Variants in RNF180 observed in about 807,000 individuals in gnomAD.
RNF180 encodes the protein E3 ubiquitin-protein ligase RNF180.
Under a neutral mutation model 59.2 loss-of-function variants are expected in RNF180, and 38 were observed. That is an observed-to-expected ratio of 0.64 (90% CI 0.50 to 0.84). The LOEUF is 0.84. RNF180 is among the 40% of genes least tolerant of loss of function. RNF180 has a pLI of 0.00. For synonymous variants in RNF180, 262 were observed against 240.3 expected, an observed-to-expected ratio of 1.09 and a Z score of -0.84; for missense variants, 705 against 700.9, an observed-to-expected ratio of 1.01 and a Z score of -0.07.
chr5:64,258,563 ATTCC>A (rs972159254), intron 5 of RNF180, among the ~76,000 whole-genome samples: 4 of 152,124 alleles, frequency 2.6e-5, no homozygotes, highest in Admixed American at 2.6e-4. Context: ...TGGGGGTGCT[ATTCC>A]CTTGGATTGT....
chr5:64,276,360 A>G lies in RNF180; in HGVS notation c.1228-48826A>G, dbSNP rs199920420. On this transcript the variant is annotated intron_variant, in intron 5 of 7. Transcript: ENST00000389100. ...TGTGTGTGTGTGTGTGTGTGTGTGT[A>G]CAAAAACCACATTGGTGTGTGTGTG... Among the ~76,000 whole-genome samples the G allele has an allele frequency of 1.9e-4, 17 of 88,968 alleles. No individual in the cohort carries two copies. The East Asian group carries it at 4.5e-3, about 24-fold the overall frequency. The allele number at this position is 88,968 out of a possible 152,430, so 58.4% of individuals were successfully genotyped here.
chr5:64,317,813 T>C (rs1744140950), intron 5 of RNF180, among the ~76,000 whole-genome samples: 1 of 146,896 alleles, frequency 6.8e-6, no homozygotes, highest in Admixed American at 6.8e-5. Flanking sequence ...TTGAAAAATG[T>C]AAGTTAAAAA....
At chr5:64,317,505 A>G (rs1744102250) in intron 5 of RNF180, among the ~76,000 whole-genome samples, 1 of 151,212 alleles carries the variant, frequency 6.6e-6, no homozygotes, top group African/African-American at 2.4e-5. Context: ...AATGCAATAA[A>G]GCCAAGCATG....
Position 64,257,271 on chromosome 5 carries a change from G to A in RNF180, c.1227+39875G>A, listed in dbSNP as rs186676063. Among the ~76,000 whole-genome samples, 40 of 152,298 alleles carry A rather than the reference G, an allele frequency of 2.6e-4. No homozygotes were observed. In the East Asian group the frequency reaches 6.0e-3, roughly 23 times the overall value. ...AGGAGTGGTGAGAGAGGGCATCCTT[G>A]TCTTGTGCCAGTTTTCAAAGGGAAT... On this transcript the variant is annotated intron_variant, in intron 5 of 7. Transcript: ENST00000389100.
intron 5 of RNF180, among the ~76,000 whole-genome samples, chr5:64,304,059 A>C (rs983661127): frequency 1.3e-5 from 2 of 151,648 alleles, no homozygotes; most frequent in African/African-American, 4.8e-5. Flanking sequence ...GGAAGAACAA[A>C]GTCTGGATGA....
chr5:64,323,393 T>A (rs1289943866), intron 5 of RNF180, among the ~76,000 whole-genome samples: 1 of 151,986 alleles, frequency 6.6e-6, no homozygotes, highest in Non-Finnish European at 1.5e-5. Flanking sequence ...ATACAAAGAA[T>A]AGTCGGGCAC....
chr5:64,168,607 G>C (rs1007792445), intron 1 of RNF180, among the ~76,000 whole-genome samples: 1 of 151,986 alleles, frequency 6.6e-6, no homozygotes, highest in African/African-American at 2.4e-5. Context: ...TGTTAGATTG[G>C]GAGTGTATTT....
At chr5:64,196,755 G>T (rs1293459139) in intron 1 of RNF180, among the ~76,000 whole-genome samples, 3 of 151,900 alleles carry the variant, frequency 2.0e-5, no homozygotes, top group African/African-American at 7.2e-5. Flanking sequence ...ATATATCAAA[G>T]TTATATTACT....
intron 5 of RNF180, among the ~76,000 whole-genome samples, chr5:64,308,958 T>C (rs529026629): frequency 6.6e-6 from 1 of 151,852 alleles, no homozygotes; most frequent in Non-Finnish European, 1.5e-5. Context: ...CTCTCTCTTA[T>C]CCATTGTTTT....
At chr5:64,189,379 T>C (rs1159920128) in intron 1 of RNF180, among the ~76,000 whole-genome samples, 1 of 152,086 alleles carries the variant, frequency 6.6e-6, no homozygotes, top group Non-Finnish European at 1.5e-5. Flanking sequence ...GGTAGGAATG[T>C]GGATGTTAAA....
chr5:64,187,129 A>T (rs1347686975), intron 1 of RNF180, among the ~76,000 whole-genome samples: 1 of 152,204 alleles, frequency 6.6e-6, no homozygotes, highest in Non-Finnish European at 1.5e-5. Flanking sequence ...TGCAGTGGGC[A>T]TTCAAGACTA....
At chr5:64,179,496 A>G (rs912695908) in intron 1 of RNF180, among the ~76,000 whole-genome samples, 1 of 152,148 alleles carries the variant, frequency 6.6e-6, no homozygotes, top group African/African-American at 2.4e-5. Flanking sequence ...AAAACTTTTT[A>G]TAAATCTTAC....
intron 1 of RNF180, among the ~76,000 whole-genome samples, chr5:64,172,694 G>A (rs1251171449): frequency 1.3e-5 from 2 of 152,166 alleles, no homozygotes. Flanking sequence ...CTCTTAGGAT[G>A]CCTCCTCAGT....
Position 64,370,018 on chromosome 5 carries a change from C to CA in RNF180, c.*205dup. ...TTTATTCAAGAGCTAACCTACCCAG[C>CA]ACTTAGCAACAATGCACTATTAATT... On this transcript the variant is annotated 3_prime_UTR_variant, in exon 8 of 8. Coordinates refer to ENST00000389100, the MANE Select transcript of RNF180 (RefSeq NM_001113561.2). 5.4e-6 allele frequency: 2 copies of CA among 370,920 alleles called. No individual in the cohort carries two copies. The highest frequency in any genetic ancestry group is 1.4e-4 in the South Asian group (2 of 14,502). The allele number at this position is 370,920 out of a possible 1,614,324, so 23.0% of individuals were successfully genotyped here. A position where few individuals can be genotyped will look rare whatever the true frequency, so the allele number is the denominator to read the frequency against.
At chr5:64,338,119 ATGT>A (rs1427642268) in intron 7 of RNF180, among the ~76,000 whole-genome samples, 3 of 152,226 alleles carry the variant, frequency 2.0e-5, no homozygotes, top group Admixed American at 6.5e-5. Flanking sequence ...TGATATTGGT[ATGT>A]TGTTATCATA....
chr5:64,359,920 A>C (rs1217094316), intron 7 of RNF180, among the ~76,000 whole-genome samples: 1 of 151,832 alleles, frequency 6.6e-6, no homozygotes, highest in African/African-American at 2.4e-5. Context: ...TGTTTTTCTC[A>C]GGTTTGTCAA....
At chr5:64,185,863 ACAGATGAACAAAGGTAT>A (rs1187451343) in intron 1 of RNF180, among the ~76,000 whole-genome samples, 2 of 152,230 alleles carry the variant, frequency 1.3e-5, no homozygotes, top group South Asian at 2.1e-4. Context: ...GGCATAAGTA[ACAGATGAACAAAGGTAT>A]CAGATGAACA....
intron 7 of RNF180, among the ~76,000 whole-genome samples, chr5:64,340,227 T>G (rs1745305021): frequency 6.6e-6 from 1 of 152,218 alleles, no homozygotes; most frequent in Admixed American, 6.5e-5. Context: ...TCTACATTGT[T>G]GAATTTCTTT....
chr5:64,351,364 C>T (rs1293373821), intron 7 of RNF180, among the ~76,000 whole-genome samples: 2 of 152,088 alleles, frequency 1.3e-5, no homozygotes, highest in Non-Finnish European at 2.9e-5. Context: ...GACAATTTGA[C>T]TTCCTCTTTT....
Sources: allele counts gnomAD v4.1 joint callset (sites outside exome capture counted in the v4.1 genomes callset), GRCh38; gene constraint gnomAD v4.1.1; transcripts MANE v1.5; gene names NCBI Gene and HGNC (gene_info 2026-07-23, HGNC 2026-07-21).